The following IL1B variants were observed in gnomAD, a reference collection of about 807,000 sequenced individuals.
IL1B encodes the protein interleukin-1 beta.
In IL1B, 11 loss-of-function variants were observed where a neutral mutation model predicts 26.2. The observed-to-expected ratio is 0.42, with a 90% CI of 0.26 to 0.70. IL1B has a LOEUF of 0.70. IL1B is among the 30% of genes least tolerant of loss of function. The probability of loss-of-function intolerance (pLI) is 0.25; values close to 1 mark genes in which losing one functional copy is unlikely to be tolerated. For synonymous variants in IL1B, 118 were observed against 120.8 expected, an observed-to-expected ratio of 0.98 and a Z score of 0.15; for missense variants, 255 against 327.5, an observed-to-expected ratio of 0.78 and a Z score of 1.71.
intron 1 of IL1B, 66 bp from the exon 2 acceptor site, chr2:112,836,310 G>T: frequency 9.3e-7 from 1 of 1,080,202 alleles, no homozygotes; most frequent in Non-Finnish European, 1.4e-6. Flanking sequence ...ATTTCTCTCA[G>T]CATCCAGTGC....
In IL1B at chr2:112,830,358, T is replaced by C; in HGVS notation, c.*3A>G. ...GCACAGGACTCTCTGGGTACAGCTCTCTTTAGGAAGACACAAATTGCATGG... is the reference window on the plus strand; with the variant it reads ...GCACAGGACTCTCTGGGTACAGCTCCCTTTAGGAAGACACAAATTGCATGG... On this transcript the variant is annotated 3_prime_UTR_variant, in exon 7 of 7. Coordinates refer to ENST00000263341, the MANE Select transcript of IL1B (RefSeq NM_000576.3). 6.2e-7 allele frequency: 1 copy of C among 1,613,022 alleles called. No individual in the cohort carries two copies. Among genetic ancestry groups the C allele is most frequent in the Non-Finnish European group, 8.5e-7 (1 of 1,179,022 alleles).
At position 112,831,403 on chromosome 2, in the gene IL1B, A is replaced by G; in HGVS notation, c.486T>C (p.Phe162=). The change falls in exon 6 of 7, where the codon TTT becomes TTC. Residue 162 remains phenylalanine, a synonymous_variant. Transcript: ENST00000263341. ...TGTCATTACTTTCTTCTCCTTGTAC[A>G]AAGGACATGGAGAACACCACTGAAG... is the stretch of plus-strand genomic sequence containing the variant. ...MEQQVVFSMS[F]VQGEESNDKI... 6.2e-7 allele frequency: 1 copy of G among 1,613,786 alleles called. No homozygotes were observed. Among genetic ancestry groups the G allele is most frequent in the Non-Finnish European group, 8.5e-7 (1 of 1,179,784 alleles).
At chr2:112,830,608 C>G in intron 6 of IL1B, 35 bp from the exon 7 acceptor site, 1 of 1,452,174 alleles carries the variant, frequency 6.9e-7, no homozygotes, top group Non-Finnish European at 9.7e-7. Flanking sequence ...TTTTGTGGGG[C>G]AAGGGACAAA....
chr2:112,831,756 C>T (rs1143637), intron 5 of IL1B, among the ~76,000 whole-genome samples: 29,748 of 152,052 alleles, frequency 0.2, 3,130 homozygotes, highest in Middle Eastern at 0.36. Context: ...TCCACAGGAG[C>T]GGAACAACTT....
At chr2:112,833,300 A>C in intron 4 of IL1B, 74 bp downstream of exon 4, 1 of 1,422,624 alleles carries the variant, frequency 7.0e-7, no homozygotes, top group Non-Finnish European at 9.9e-7. Flanking sequence ...CTCTGGGGGA[A>C]TTGAGTTGGC....
At chr2:112,834,019 CAAAAT>C (rs529262883) in intron 3 of IL1B, among the ~76,000 whole-genome samples, 14 of 151,154 alleles carry the variant, frequency 9.3e-5, no homozygotes, top group South Asian at 2.1e-4. Flanking sequence ...CAAAACAAAA[CAAAAT>C]AAAATAAAAT....
At position 112,833,461 on chromosome 2, in the gene IL1B, C is replaced by T; in HGVS notation, c.214G>A (p.Asp72Asn). Residue 72 changes from aspartate (D) to asparagine (N), a missense_variant, in exon 4 of 7, where the codon GAC (aspartate) becomes AAC (asparagine). Physicochemically the swap from Asp to Asn is conservative, Grantham distance 23. Coordinates refer to ENST00000263341, the MANE Select transcript of IL1B (RefSeq NM_000576.3). ...RQAASVVVAM[D>N]KLRKMLVPCP... ...GGAACCAGCATCTTCCTCAGCTTGT[C>T]CATGGCCACAACAACTGACGCGGCC... 1 of 1,614,216 alleles carries T rather than the reference C, an allele frequency of 6.2e-7. No individual in the cohort carries two copies. Among genetic ancestry groups the T allele is most frequent in the East Asian group, 2.2e-5 (1 of 44,888 alleles).
At position 112,830,541 on chromosome 2, in the gene IL1B, C is replaced by G; in HGVS notation, c.630G>C (p.Lys210Asn). The change falls in exon 7 of 7, where the codon AAG (lysine) becomes AAC (asparagine). Residue 210 changes from lysine to asparagine, a missense_variant. Coordinates refer to ENST00000263341, the MANE Select transcript of IL1B (RefSeq NM_000576.3). ...TGTTGAAGACAAATCGCTTTTCCAT[C>G]TTCTTCTTTGGGTAATTTTTGGGAT... ...SVDPKNYPKK[K>N]MEKRFVFNKI... is the part of the protein sequence containing the mutation. The G allele has an allele frequency of 5.9e-6, 9 of 1,527,058 alleles. No individual in the cohort carries two copies. The highest frequency in any genetic ancestry group is 7.9e-6 in the Non-Finnish European group (9 of 1,134,816). The allele number at this position is 1,527,058 out of a possible 1,614,324, so 94.6% of individuals were successfully genotyped here. A position where few individuals can be genotyped will look rare whatever the true frequency, so the allele number is the denominator to read the frequency against.
chr2:112,833,040 T>C, intron 4 of IL1B: 1 of 627,870 alleles, frequency 1.6e-6, no homozygotes, highest in Non-Finnish European at 2.8e-6. Flanking sequence ...CTATTACTGC[T>C]CACTGTGGCC....
intron 3 of IL1B, 118 bp from the exon 4 acceptor site, chr2:112,833,693 T>A: frequency 1.0e-6 from 1 of 991,644 alleles, no homozygotes; most frequent in Non-Finnish European, 1.5e-6. Flanking sequence ...CCCGAGCTTC[T>A]AAAGATCATC....
Position 112,832,802 on chromosome 2 carries a change from T to G in IL1B, c.326A>C (p.Asp109Ala). The G allele has an allele frequency of 6.2e-7, 1 of 1,614,212 alleles. No individual in the cohort carries two copies. The highest frequency in any genetic ancestry group is 2.2e-5 in the East Asian group (1 of 44,892). The change falls in exon 5 of 7, where the codon GAT becomes GCT. Residue 109 changes from aspartate to alanine, a missense_variant. Coordinates refer to ENST00000263341, the MANE Select transcript of IL1B (RefSeq NM_000576.3). Reference sequence around the variant, plus strand: ...TGCATCGTGCACATAAGCCTCGTTATCCCATGTGTCGAAGAAGATAGGTTC... The same window carrying G: ...TGCATCGTGCACATAAGCCTCGTTAGCCCATGTGTCGAAGAAGATAGGTTC... ...EEEPIFFDTW[D>A]NEAYVHDAPV... is the part of the protein sequence containing the mutation.
intron 5 of IL1B, among the ~76,000 whole-genome samples, 164 bp downstream of exon 5, chr2:112,832,498 C>A (rs1018422908): frequency 6.6e-6 from 1 of 152,216 alleles, no homozygotes; most frequent in African/African-American, 2.4e-5. Context: ...CCAGTGCAAT[C>A]AAATGTGCCA....
chr2:112,830,211 A>T lies in IL1B; in HGVS notation c.*150T>A. The T allele has an allele frequency of 1.5e-6, 1 of 683,152 alleles. No individual in the cohort carries two copies. The highest frequency in any genetic ancestry group is 2.6e-6 in the Non-Finnish European group (1 of 378,376). 42.3% of individuals were successfully genotyped at this position (683,152 alleles called of 1,614,324 possible). A position where few individuals can be genotyped will look rare whatever the true frequency, so the allele number is the denominator to read the frequency against. On this transcript the variant is annotated 3_prime_UTR_variant, in exon 7 of 7. Transcript: ENST00000263341. ...TGGCTGATGGACAGGAGATCCTCTT[A>T]GCACTACCCTAAGGCAGGCAGTTGG... is the stretch of plus-strand genomic sequence containing the variant.
At position 112,833,560 on chromosome 2, in the gene IL1B, G is replaced by T. The variant is rs1273629321; in HGVS notation, c.115C>A (p.Leu39Met). The T allele has an allele frequency of 8.7e-6, 14 of 1,613,886 alleles. No homozygotes were observed. The highest frequency in any genetic ancestry group is 1.2e-5 in the Non-Finnish European group (14 of 1,180,028). The change falls in exon 4 of 7, where the codon CTG (leucine) becomes ATG (methionine). Residue 39 changes from leucine (L) to methionine (M), a missense_variant. By Grantham distance (15) the Leu-to-Met change is conservative. Coordinates refer to ENST00000263341, the MANE Select transcript of IL1B (RefSeq NM_000576.3). Reference sequence around the variant, plus strand: ...CCGCCATCCAGAGGGCAGAGGTCCAGGTCCTGGAAGGAGCACTGCGGAGAG... The same window carrying T: ...CCGCCATCCAGAGGGCAGAGGTCCATGTCCTGGAAGGAGCACTGCGGAGAG... ...PKQMKCSFQD[L>M]DLCPLDGGIQ...
rs754564004 is a variant in IL1B at position 112,833,453 on chromosome 2, C to T, written c.222G>A (p.Leu74=). The T allele has an allele frequency of 1.9e-6, 3 of 1,614,214 alleles. No homozygotes were observed. The Admixed American group carries it at 5.0e-5, about 27-fold the overall frequency. Residue 74 remains leucine (L), a synonymous_variant, in exon 4 of 7, where the codon CTG becomes CTA. Transcript: ENST00000263341. ...GTGGGCAGGGAACCAGCATCTTCCT[C>T]AGCTTGTCCATGGCCACAACAACTG... ...AASVVVAMDK[L]RKMLVPCPQT... is the part of the protein sequence containing the mutation.
At position 112,831,401 on chromosome 2, in the gene IL1B, A is replaced by G; in HGVS notation, c.488T>C (p.Val163Ala). 6.2e-7 allele frequency: 1 copy of G among 1,613,858 alleles called. No individual in the cohort carries two copies. The highest frequency in any genetic ancestry group is 8.5e-7 in the Non-Finnish European group (1 of 1,179,828). The change falls in exon 6 of 7, where the codon GTA becomes GCA. Residue 163 changes from valine (V) to alanine (A), a missense_variant. Coordinates refer to ENST00000263341, the MANE Select transcript of IL1B (RefSeq NM_000576.3). The part of the protein sequence containing the change: ...EQQVVFSMSF[V>A]QGEESNDKIP... ...TTTGTCATTACTTTCTTCTCCTTGTACAAAGGACATGGAGAACACCACTGA... is the reference window on the plus strand; with the variant it reads ...TTTGTCATTACTTTCTTCTCCTTGTGCAAAGGACATGGAGAACACCACTGA...
rs1681984893 is a variant in IL1B at position 112,831,429 on chromosome 2, A to G, written c.467-7T>C. On this transcript the variant is annotated splice_polypyrimidine_tract_variant and splice_region_variant and intron_variant, in intron 5 of 6. Transcript: ENST00000263341. Reference sequence around the variant, plus strand: ...AAGGACATGGAGAACACCACTGAAGAAAGAAGGGGGTCTTGTGGTTAGGGA... The same window carrying G: ...AAGGACATGGAGAACACCACTGAAGGAAGAAGGGGGTCTTGTGGTTAGGGA... 3 of 1,612,932 alleles carry G rather than the reference A, an allele frequency of 1.9e-6. No individual in the cohort carries two copies. The highest frequency in any genetic ancestry group is 2.5e-6 in the Non-Finnish European group (3 of 1,179,374).
chr2:112,831,513 G>T, intron 5 of IL1B, 91 bp from the exon 6 acceptor site: 1 of 1,483,482 alleles, frequency 6.7e-7, no homozygotes, highest in Non-Finnish European at 9.3e-7. Flanking sequence ...CATGTAATTT[G>T]GTAGCCTCTG....
intron 3 of IL1B, 124 bp downstream of exon 3, chr2:112,835,442 G>T: frequency 1.3e-6 from 1 of 777,158 alleles, no homozygotes. Flanking sequence ...GTGTCTCACT[G>T]GAAGAGGTTA....
Sources: allele counts gnomAD v4.1 joint callset (sites outside exome capture counted in the v4.1 genomes callset), GRCh38; gene constraint gnomAD v4.1.1; transcripts MANE v1.5; gene names NCBI Gene and HGNC (gene_info 2026-07-23, HGNC 2026-07-21).